GPC6: variants seen among roughly 807,000 people sequenced by gnomAD.
GPC6 encodes glypican-6.
A neutral mutation model predicts 55.2 loss-of-function variants in GPC6; 14 were observed. That is an observed-to-expected ratio of 0.25 (90% CI 0.17 to 0.40). The LOEUF (loss-of-function observed/expected upper bound fraction) is 0.40. Among genes scored for constraint, GPC6 ranks in the 10% least tolerant of loss-of-function variants. The pLI is 1.00. For missense variants in GPC6, 641 were observed against 708.5 expected (o/e 0.90, Z 1.08); for synonymous variants, 278 against 259.6 (o/e 1.07, Z -0.68).
intron 6 of GPC6, among the ~76,000 whole-genome samples, chr13:94,379,031 T>G (rs1434795546): frequency 6.6e-6 from 1 of 152,076 alleles, no homozygotes; most frequent in African/African-American, 2.4e-5. Context: ...TTCACAGTTG[T>G]GTGCACTTAA....
chr13:93,922,121 A>G (rs1341238367), intron 3 of GPC6, among the ~76,000 whole-genome samples: 1 of 152,194 alleles, frequency 6.6e-6, no homozygotes, highest in Non-Finnish European at 1.5e-5. Context: ...GAGGGTCGTG[A>G]TAGTGAAAAG....
At chr13:93,466,951 A>T (rs1878926316) in intron 1 of GPC6, among the ~76,000 whole-genome samples, 1 of 152,198 alleles carries the variant, frequency 6.6e-6, no homozygotes, top group Non-Finnish European at 1.5e-5. Context: ...GAGAACAAGT[A>T]TTATCCTAAA....
rs369655589 is a variant in GPC6 at position 94,178,214 on chromosome 13, C to G, written c.878-108135C>G. Reference sequence around the variant, plus strand: ...GGGTTTCACTATGTTGGCCAGGTTGCTCTTGAACTCCTGACTTTGTGATCT... The same window carrying G: ...GGGTTTCACTATGTTGGCCAGGTTGGTCTTGAACTCCTGACTTTGTGATCT... On this transcript the variant is annotated intron_variant, in intron 4 of 8. Coordinates refer to ENST00000377047, the MANE Select transcript of GPC6 (RefSeq NM_005708.5). Among the ~76,000 whole-genome samples the G allele has an allele frequency of 1.4e-3, 210 of 152,036 alleles. 3 individuals carry two copies. The South Asian group carries it at 0.036, about 26-fold the overall frequency.
chr13:94,366,333 G>A (rs117197199), intron 6 of GPC6, among the ~76,000 whole-genome samples: 4,197 of 152,224 alleles, frequency 0.028, 105 homozygotes, highest in Non-Finnish European at 0.039. Flanking sequence ...TAATTTCCAG[G>A]TTAGTCCTAT....
At chr13:93,222,520 C>T (rs1875651276), upstream of GPC6, among the ~76,000 whole-genome samples, 1 of 152,178 alleles carries the variant, frequency 6.6e-6, no homozygotes, top group South Asian at 2.1e-4. Context: ...GTTTACTATA[C>T]TAAAATGTTT....
chr13:94,320,124 T>C (rs1876738366), intron 6 of GPC6, among the ~76,000 whole-genome samples: 1 of 152,194 alleles, frequency 6.6e-6, no homozygotes, highest in Non-Finnish European at 1.5e-5. Context: ...TGATTTAGTC[T>C]CTCAGGTTTA....
intron 6 of GPC6, among the ~76,000 whole-genome samples, chr13:94,339,720 C>G (rs1877921614): frequency 7.6e-6 from 1 of 132,008 alleles, no homozygotes; most frequent in Non-Finnish European, 1.6e-5. Context: ...AAAATCTGCA[C>G]AATTTTTAAG....
intron 1 of GPC6, among the ~76,000 whole-genome samples, chr13:93,402,961 A>T (rs1876145900): frequency 6.6e-6 from 1 of 152,148 alleles, no homozygotes; most frequent in Non-Finnish European, 1.5e-5. Context: ...TTTTTAAAAA[A>T]ATTATGTGGA....
At chr13:94,356,257 G>A (rs755481071) in intron 6 of GPC6, among the ~76,000 whole-genome samples, 14 of 152,186 alleles carry the variant, frequency 9.2e-5, no homozygotes, top group Non-Finnish European at 1.3e-4. Flanking sequence ...GAACATACGC[G>A]TGCATGTGTC....
chr13:93,907,806 ATTAG>A (rs1317836091), intron 3 of GPC6, among the ~76,000 whole-genome samples: 1 of 152,124 alleles, frequency 6.6e-6, no homozygotes, highest in Non-Finnish European at 1.5e-5. Context: ...GTTTAATCAT[ATTAG>A]TTATACAGTT....
At chr13:93,899,199 T>A (rs1408934378) in intron 3 of GPC6, among the ~76,000 whole-genome samples, 1 of 151,856 alleles carries the variant, frequency 6.6e-6, no homozygotes, top group East Asian at 1.9e-4. Context: ...CATTAAATAT[T>A]CACTGTGTTT....
chr13:93,924,372 T>A (rs1209998239), intron 3 of GPC6, among the ~76,000 whole-genome samples: 2 of 152,362 alleles, frequency 1.3e-5, no homozygotes, highest in South Asian at 4.1e-4. Context: ...TACAATCGTC[T>A]GCGTTTTCTC....
At chr13:93,695,506 T>G (rs1039192845) in intron 2 of GPC6, among the ~76,000 whole-genome samples, 1 of 152,164 alleles carries the variant, frequency 6.6e-6, no homozygotes, top group East Asian at 1.9e-4. Flanking sequence ...AATCCTTTGA[T>G]GTATAAGGGA....
intron 2 of GPC6, among the ~76,000 whole-genome samples, chr13:93,572,928 T>C (rs1876476924): frequency 6.6e-6 from 1 of 152,038 alleles, no homozygotes; most frequent in African/African-American, 2.4e-5. Flanking sequence ...GCCCACAACA[T>C]TAGAAAGATA....
intron 4 of GPC6, among the ~76,000 whole-genome samples, chr13:94,063,220 G>A (rs1884395075): frequency 6.6e-6 from 1 of 152,204 alleles, no homozygotes; most frequent in African/African-American, 2.4e-5. Flanking sequence ...CAGCTGCCAT[G>A]AGACACTCAT....
intron 2 of GPC6, among the ~76,000 whole-genome samples, chr13:93,765,262 TGTCTGG>T (rs1885084355): frequency 1.1e-5 from 1 of 94,506 alleles, no homozygotes. Context: ...CCAGATAAGC[TGTCTGG>T]AAAGACAACT....
chr13:93,857,110 A>AT (rs1257125888), intron 3 of GPC6, among the ~76,000 whole-genome samples: 1 of 151,570 alleles, frequency 6.6e-6, no homozygotes, highest in Non-Finnish European at 1.5e-5. Context: ...ACCTGAAGAC[A>AT]TTTTTCCCAT....
chr13:93,886,920 G>T (rs1202881990), intron 3 of GPC6, among the ~76,000 whole-genome samples: 1 of 151,820 alleles, frequency 6.6e-6, no homozygotes, highest in East Asian at 1.9e-4. Context: ...TTTGTTTTAT[G>T]TGGAATACAT....
intron 2 of GPC6, among the ~76,000 whole-genome samples, chr13:93,641,506 AG>A (rs1275628886): frequency 1.3e-5 from 2 of 152,142 alleles, no homozygotes; most frequent in Admixed American, 1.3e-4. Flanking sequence ...TAGTAATAAT[AG>A]GTACCTCACT....
Sources: allele counts gnomAD v4.1 joint callset (sites outside exome capture counted in the v4.1 genomes callset), GRCh38; gene constraint gnomAD v4.1.1; transcripts MANE v1.5; gene names NCBI Gene and HGNC (gene_info 2026-07-23, HGNC 2026-07-21).